RB1CC1: variants seen among roughly 807,000 people sequenced by gnomAD.
RB1CC1 encodes the protein RB1-inducible coiled-coil protein 1.
In RB1CC1, 46 loss-of-function variants were observed where a neutral mutation model predicts 177.5. The ratio of observed to expected loss-of-function variants is 0.26; its 90% CI spans 0.20 to 0.33. RB1CC1 has a LOEUF of 0.33. Ranked by LOEUF, RB1CC1 falls within the 10% of genes least tolerant of loss-of-function variation. The pLI, the probability that RB1CC1 is intolerant of heterozygous loss-of-function variation, is 1.00. For synonymous variants in RB1CC1, 666 were observed against 613.6 expected (o/e 1.09, Z -1.26); for missense variants, 1,703 against 1,816.3 (o/e 0.94, Z 1.13).
chr8:52,700,186 G>A (rs1157125833), intron 1 of RB1CC1, among the ~76,000 whole-genome samples: 1 of 152,042 alleles, frequency 6.6e-6, no homozygotes, highest in Non-Finnish European at 1.5e-5. Flanking sequence ...TCTGAAGGCA[G>A]TCTTTCACGG....
At chr8:52,674,355 T>G in intron 6 of RB1CC1, 81 bp from the exon 7 acceptor site, 1 of 1,216,612 alleles carries the variant, frequency 8.2e-7, no homozygotes, top group Non-Finnish European at 1.2e-6. Flanking sequence ...AATCACATAT[T>G]ATTATACACA....
chr8:52,701,025 T>C (rs1369723482), intron 1 of RB1CC1, among the ~76,000 whole-genome samples: 1 of 152,220 alleles, frequency 6.6e-6, no homozygotes, highest in Non-Finnish European at 1.5e-5. Flanking sequence ...GTTGTATAAA[T>C]TGGACTCTCA....
intron 1 of RB1CC1, among the ~76,000 whole-genome samples, chr8:52,710,343 G>T (rs777809578): frequency 6.6e-6 from 1 of 152,190 alleles, no homozygotes; most frequent in South Asian, 2.1e-4. Context: ...AATGAAGCGA[G>T]CATTTAGAAA....
At chr8:52,702,114 ATCTATT>A (rs1336527901) in intron 1 of RB1CC1, among the ~76,000 whole-genome samples, 1 of 152,104 alleles carries the variant, frequency 6.6e-6, no homozygotes, top group Non-Finnish European at 1.5e-5. Context: ...AGCCAAAACT[ATCTATT>A]TCTATCTTTA....
chr8:52,645,051 G>A (rs1412556310), intron 16 of RB1CC1, among the ~76,000 whole-genome samples: 1 of 151,952 alleles, frequency 6.6e-6, no homozygotes, highest in Non-Finnish European at 1.5e-5. Context: ...GTTGCTGTCC[G>A]GTACTTTAGG....
chr8:52,681,507 GA>G, intron 5 of RB1CC1, among the ~76,000 whole-genome samples: 1 of 152,282 alleles, frequency 6.6e-6, no homozygotes, highest in South Asian at 2.1e-4. Context: ...GGACCATGAA[GA>G]AATATCACCT....
intron 5 of RB1CC1, among the ~76,000 whole-genome samples, chr8:52,680,532 C>G (rs1461732633): frequency 6.6e-6 from 1 of 152,134 alleles, no homozygotes; most frequent in East Asian, 1.9e-4. Context: ...GAAGAGAAGA[C>G]AGATTTAACA....
At chr8:52,627,070 C>G (rs528766576) in intron 22 of RB1CC1, among the ~76,000 whole-genome samples, 51 of 151,904 alleles carry the variant, frequency 3.4e-4, no homozygotes, top group African/African-American at 1.1e-3. Flanking sequence ...AAAAAAAGGC[C>G]GGGTACGGTG....
At chr8:52,680,141 T>C (rs1050148543) in intron 5 of RB1CC1, among the ~76,000 whole-genome samples, 2 of 151,838 alleles carry the variant, frequency 1.3e-5, no homozygotes, top group Non-Finnish European at 2.9e-5. Flanking sequence ...TAATTTAGTG[T>C]AGAAAAAAAG....
intron 1 of RB1CC1, among the ~76,000 whole-genome samples, chr8:52,693,190 T>C (rs1374516345): frequency 6.6e-6 from 1 of 152,110 alleles, no homozygotes; most frequent in African/African-American, 2.4e-5. Context: ...ACCTAGGCAA[T>C]ACCATTCAGG....
At chr8:52,668,842 A>G (rs542944855) in intron 7 of RB1CC1, among the ~76,000 whole-genome samples, 3 of 152,296 alleles carry the variant, frequency 2.0e-5, no homozygotes, top group Non-Finnish European at 2.9e-5. Context: ...GAGGCTCTTC[A>G]ACAGTTAGCA....
intron 13 of RB1CC1, among the ~76,000 whole-genome samples, chr8:52,658,501 T>C (rs1352321429): frequency 7.1e-6 from 1 of 139,888 alleles, no homozygotes; most frequent in Non-Finnish European, 1.5e-5. Flanking sequence ...TGCTGGAACA[T>C]GGGAGGTGAA....
chr8:52,676,473 G>T lies in RB1CC1; in HGVS notation c.468C>A (p.Asn156Lys). The change falls in exon 6 of 24, where the codon AAC becomes AAA. Residue 156 changes from asparagine (N) to lysine (K), a missense_variant. By Grantham distance (94) the Asn-to-Lys change is moderately conservative (BLOSUM62 0). Coordinates refer to ENST00000025008, the MANE Select transcript of RB1CC1 (RefSeq NM_014781.5). ...QHQGWAAIMA[N>K]LEDCSNSYQK... ...GGTATGAATTTGAACAGTCCTCCAGGTTGGCCATGATTGCAGCCCAGCCTT... is the reference window on the plus strand; with the variant it reads ...GGTATGAATTTGAACAGTCCTCCAGTTTGGCCATGATTGCAGCCCAGCCTT... The T allele has an allele frequency of 6.2e-7, 1 of 1,613,458 alleles. No homozygotes were observed. Among genetic ancestry groups the T allele is most frequent in the Non-Finnish European group, 8.5e-7 (1 of 1,179,630 alleles).
At chr8:52,638,005 C>T (rs1031039454) in intron 18 of RB1CC1, among the ~76,000 whole-genome samples, 3 of 152,002 alleles carry the variant, frequency 2.0e-5, no homozygotes, top group Admixed American at 2.0e-4. Flanking sequence ...CCTAAGTGCC[C>T]GTGATAGAAC....
chr8:52,701,829 T>G (rs1485522572), intron 1 of RB1CC1, among the ~76,000 whole-genome samples: 2 of 151,802 alleles, frequency 1.3e-5, no homozygotes, highest in East Asian at 3.9e-4. Flanking sequence ...TCTTTTGAGA[T>G]GGAGTCTCAC....
intron 9 of RB1CC1, 21 bp from the exon 10 acceptor site, chr8:52,661,302 T>C (rs1434938557): frequency 6.2e-7 from 1 of 1,603,906 alleles, no homozygotes; most frequent in Non-Finnish European, 8.5e-7. Flanking sequence ...AAATCCATTA[T>C]TTTCAACATT....
intron 15 of RB1CC1, among the ~76,000 whole-genome samples, chr8:52,647,079 T>C (rs1420167864): frequency 6.6e-6 from 1 of 152,208 alleles, no homozygotes; most frequent in African/African-American, 2.4e-5. Flanking sequence ...ACATGTTTCT[T>C]ATGTAATTTC....
chr8:52,700,433 G>T (rs972430038), intron 1 of RB1CC1, among the ~76,000 whole-genome samples: 2 of 151,944 alleles, frequency 1.3e-5, no homozygotes, highest in African/African-American at 4.8e-5. Context: ...GGGTGGGGGC[G>T]CTGAGGCAGG....
chr8:52,709,250 T>C (rs1003280538), intron 1 of RB1CC1, among the ~76,000 whole-genome samples: 1 of 152,118 alleles, frequency 6.6e-6, no homozygotes, highest in African/African-American at 2.4e-5. Context: ...CCCACTGCAT[T>C]TGTTTCCAGA....
Sources: gnomAD v4.1 joint callset for allele counts (sites outside exome capture counted in the v4.1 genomes callset) on GRCh38, gnomAD v4.1.1 for gene constraint, MANE v1.5 for transcripts, NCBI Gene and HGNC (gene_info 2026-07-23, HGNC 2026-07-21) for gene names.